The following ZNF385B variants were observed in gnomAD, a reference collection of about 807,000 sequenced individuals.
The protein encoded by ZNF385B is zinc finger protein 385B.
Under a neutral mutation model 39.2 loss-of-function variants are expected in ZNF385B, and 23 were observed. That is an observed-to-expected ratio of 0.59 (90% confidence interval 0.42 to 0.83). ZNF385B has a LOEUF of 0.83. Ranked by LOEUF, ZNF385B falls within the 40% of genes least tolerant of loss-of-function variation. ZNF385B has a pLI of 0.00. For missense variants in ZNF385B, 552 were observed against 598.9 expected, an observed-to-expected ratio of 0.92 and a Z score of 0.82; for synonymous variants, 205 against 222.6, an observed-to-expected ratio of 0.92 and a Z score of 0.70.
chr2:179,617,774 T>C (rs1252629962), intron 3 of ZNF385B, among the ~76,000 whole-genome samples: 3 of 152,174 alleles, frequency 2.0e-5, no homozygotes, highest in Admixed American at 6.6e-5. Flanking sequence ...ATTACCTGCA[T>C]ACTGGTGGGG....
At chr2:179,637,692 T>C (rs1257442408) in intron 3 of ZNF385B, among the ~76,000 whole-genome samples, 1 of 132,400 alleles carries the variant, frequency 7.6e-6, no homozygotes, top group African/African-American at 2.9e-5. Flanking sequence ...ATAACAAACT[T>C]GACCTGGTTG....
intron 3 of ZNF385B, among the ~76,000 whole-genome samples, chr2:179,764,336 C>T (rs1183838128): frequency 1.3e-5 from 2 of 151,480 alleles, no homozygotes; most frequent in African/African-American, 2.4e-5. Flanking sequence ...TTCAACATAC[C>T]TCTTATTGAT....
At chr2:179,502,544 C>A (rs2056861356) in intron 5 of ZNF385B, among the ~76,000 whole-genome samples, 1 of 152,138 alleles carries the variant, frequency 6.6e-6, no homozygotes, top group Non-Finnish European at 1.5e-5. Context: ...CCCTCTCCTG[C>A]CATCCATGTG....
At position 179,802,202 on chromosome 2, in the gene ZNF385B, A is replaced by C. The variant is rs143530138; in HGVS notation, c.-154-31530T>G. ...ATACTCTGAGACCCTCCAAATATGTACTGCTTATTCCAATCTTTAAAATAG... is the reference window on the plus strand; with the variant it reads ...ATACTCTGAGACCCTCCAAATATGTCCTGCTTATTCCAATCTTTAAAATAG... On this transcript the variant is annotated intron_variant, in intron 1 of 9. Transcript: ENST00000410066. 3.7e-3 allele frequency among the ~76,000 whole-genome samples: 568 copies of C among 152,170 alleles called. 3 individuals carry two copies. Among genetic ancestry groups the C allele is most frequent in the African/African-American group, 0.013 (529 of 41,536 alleles).
At chr2:179,538,632 T>A (rs2059731673) in intron 4 of ZNF385B, among the ~76,000 whole-genome samples, 2 of 152,216 alleles carry the variant, frequency 1.3e-5, no homozygotes, top group African/African-American at 4.8e-5. Flanking sequence ...TCATGGATGA[T>A]TCACAGAATC....
chr2:179,729,730 T>G (rs1213441096), intron 3 of ZNF385B, among the ~76,000 whole-genome samples: 1 of 152,228 alleles, frequency 6.6e-6, no homozygotes, highest in Non-Finnish European at 1.5e-5. Context: ...AATGCCCATG[T>G]GTCGAGGCAG....
At chr2:179,673,413 C>A (rs913220554) in intron 3 of ZNF385B, among the ~76,000 whole-genome samples, 4 of 151,712 alleles carry the variant, frequency 2.6e-5, no homozygotes, top group Non-Finnish European at 2.9e-5. Flanking sequence ...GTATAGTATA[C>A]AAAATATGAA....
chr2:179,495,453 C>T (rs554259378), intron 5 of ZNF385B, among the ~76,000 whole-genome samples: 1 of 152,316 alleles, frequency 6.6e-6, no homozygotes, highest in South Asian at 2.1e-4. Context: ...GGGAAGAAAA[C>T]AGGCCTGGTT....
intron 1 of ZNF385B, among the ~76,000 whole-genome samples, chr2:179,850,587 C>T (rs574876122): frequency 3.9e-4 from 60 of 152,258 alleles, no homozygotes; most frequent in East Asian, 1.3e-3. Context: ...CCTTCTTATT[C>T]GGAACCGGAT....
rs1271676114 is a variant in ZNF385B, at chr2:179,534,439, G to T, written c.441+10388C>A. On this transcript the variant is annotated intron_variant, in intron 4 of 9. Transcript: ENST00000410066. ...ATTTTAAGTTATTAGAAATAGCATGGGGATATGTTATATACTTATAATTTT... is the reference window on the plus strand; with the variant it reads ...ATTTTAAGTTATTAGAAATAGCATGTGGATATGTTATATACTTATAATTTT... 2.6e-5 allele frequency among the ~76,000 whole-genome samples: 4 copies of T among 152,032 alleles called. No individual in the cohort carries two copies. In the East Asian group the frequency reaches 7.7e-4, roughly 29 times the overall value.
intron 6 of ZNF385B, among the ~76,000 whole-genome samples, chr2:179,477,986 A>T (rs1403381920): frequency 6.6e-6 from 1 of 152,216 alleles, no homozygotes; most frequent in Admixed American, 6.5e-5. Context: ...GAAAATGGTT[A>T]GTGGTTTCTT....
At chr2:179,617,113 T>G (rs1397184229) in intron 3 of ZNF385B, among the ~76,000 whole-genome samples, 1 of 152,242 alleles carries the variant, frequency 6.6e-6, no homozygotes, top group Non-Finnish European at 1.5e-5. Context: ...AAACAGCTGC[T>G]AAATTCTCTT....
intron 1 of ZNF385B, among the ~76,000 whole-genome samples, chr2:179,851,407 A>G (rs749804795): frequency 2.6e-5 from 4 of 152,172 alleles, no homozygotes. Flanking sequence ...ATATGATTGC[A>G]CCACTGCATT....
chr2:179,514,882 G>A (rs867068487), intron 5 of ZNF385B, among the ~76,000 whole-genome samples: 1 of 150,854 alleles, frequency 6.6e-6, no homozygotes, highest in Non-Finnish European at 1.5e-5. Flanking sequence ...GGGTTCAAGC[G>A]ATTCTCCTGC....
At chr2:179,851,409 C>A (rs113462580) in intron 1 of ZNF385B, among the ~76,000 whole-genome samples, 8,024 of 152,196 alleles carry the variant, frequency 0.053, 299 homozygotes, top group Non-Finnish European at 0.077. Flanking sequence ...ATGATTGCAC[C>A]ACTGCATTCC....
intron 1 of ZNF385B, among the ~76,000 whole-genome samples, chr2:179,793,012 C>T (rs1262207517): frequency 2.6e-5 from 4 of 152,144 alleles, no homozygotes; most frequent in Admixed American, 2.0e-4. Flanking sequence ...AGGGACCATA[C>T]ATTGAGAAAC....
intron 3 of ZNF385B, among the ~76,000 whole-genome samples, chr2:179,625,948 A>C (rs1436823383): frequency 1.3e-5 from 2 of 152,006 alleles, no homozygotes; most frequent in Non-Finnish European, 2.9e-5. Flanking sequence ...TACCCTGCCC[A>C]CTTCTAAATC....
chr2:179,458,260 A>G (rs1281598116), intron 6 of ZNF385B, among the ~76,000 whole-genome samples: 1 of 152,124 alleles, frequency 6.6e-6, no homozygotes, highest in Non-Finnish European at 1.5e-5. Context: ...GTGATAGTGA[A>G]TAAGTCTCAC....
intron 3 of ZNF385B, among the ~76,000 whole-genome samples, chr2:179,595,267 GCTTT>G (rs1687905106): frequency 6.6e-6 from 1 of 152,106 alleles, no homozygotes. Context: ...CAATGAAATG[GCTTT>G]CTAAGGCCTT....
Sources: gnomAD v4.1 joint callset for allele counts (sites outside exome capture counted in the v4.1 genomes callset) on GRCh38, gnomAD v4.1.1 for gene constraint, MANE v1.5 for transcripts, NCBI Gene and HGNC (gene_info 2026-07-23, HGNC 2026-07-21) for gene names.